TGFA: variants seen among roughly 807,000 people sequenced by gnomAD.
TGFA encodes the protein protransforming growth factor alpha.
Under a neutral mutation model 21.7 loss-of-function variants are expected in TGFA, and 12 were observed. The ratio of observed to expected loss-of-function variants is 0.55; its 90% CI spans 0.35 to 0.90. TGFA has a LOEUF of 0.90. TGFA is among the 40% of genes least tolerant of loss of function. The pLI is 0.01. For synonymous variants in TGFA, 79 were observed against 88.1 expected (o/e 0.90, Z 0.58); for missense variants, 178 against 210.8 (o/e 0.84, Z 0.96).
chr2:70,460,406 T>C (rs1349411730), intron 3 of TGFA, among the ~76,000 whole-genome samples: 1 of 152,048 alleles, frequency 6.6e-6, no homozygotes, highest in Non-Finnish European at 1.5e-5. Context: ...CCCAAGCTTC[T>C]ACTAATATTA....
rs199781024 is a variant in TGFA, at chr2:70,553,757, G to A, written c.11C>T (p.Ser4Leu). The change falls in exon 1 of 6, where the codon TCG becomes TTG. Residue 4 changes from serine (S) to leucine (L), a missense_variant. By Grantham distance (145) the Ser-to-Leu change is moderately radical. Transcript: ENST00000295400. ...AGCGAACAGGGCGAGCTGTCCAGCC[G>A]AGGGGACCATTTTACGGGCGGGCGG... is the stretch of plus-strand genomic sequence containing the variant. MVPSAGQLALFALG... is the reference protein window; with the variant it reads MVPLAGQLALFALG... The A allele has an allele frequency of 4.5e-5, 58 of 1,294,012 alleles. No homozygotes were observed. The African/African-American group carries it at 8.2e-4, about 18-fold the overall frequency. 80.2% of individuals were successfully genotyped at this position (1,294,012 alleles called of 1,614,324 possible).
chr2:70,518,964 G>T (rs1303398306), intron 1 of TGFA, among the ~76,000 whole-genome samples: 6 of 152,210 alleles, frequency 3.9e-5, no homozygotes, highest in Non-Finnish European at 5.9e-5. Context: ...CTGCATGAAG[G>T]GATGAAGGGT....
chr2:70,521,627 T>G (rs1270874534), intron 1 of TGFA, among the ~76,000 whole-genome samples: 6 of 135,562 alleles, frequency 4.4e-5, no homozygotes, highest in African/African-American at 1.7e-4. Context: ...GTTTTTTTTT[T>G]TTTTTTTTTT....
intron 2 of TGFA, among the ~76,000 whole-genome samples, chr2:70,473,536 T>A (rs1670821421): frequency 6.6e-6 from 1 of 151,770 alleles, no homozygotes; most frequent in South Asian, 2.1e-4. Flanking sequence ...TGGGGCTGTG[T>A]GTGCAGGCAG....
intron 2 of TGFA, among the ~76,000 whole-genome samples, chr2:70,496,766 T>C (rs560626699): frequency 6.6e-6 from 1 of 152,286 alleles, no homozygotes; most frequent in African/African-American, 2.4e-5. Flanking sequence ...CTTGTATGCG[T>C]CATGCACTGT....
chr2:70,553,334 C>T, intron 1 of TGFA: 1 of 1,496,084 alleles, frequency 6.7e-7, no homozygotes, highest in East Asian at 2.5e-5. Context: ...GCCCCCGTTC[C>T]GAGGCGGCCC....
intron 1 of TGFA, among the ~76,000 whole-genome samples, chr2:70,543,081 T>G (rs935362360): frequency 7.3e-5 from 11 of 151,286 alleles, no homozygotes; most frequent in African/African-American, 2.7e-4. Context: ...CCAGCCTGGG[T>G]AACAAGAGTG....
intron 2 of TGFA, among the ~76,000 whole-genome samples, chr2:70,466,763 T>C (rs114459318): frequency 6.6e-6 from 1 of 152,032 alleles, no homozygotes; most frequent in African/African-American, 2.4e-5. Flanking sequence ...TTCACAATGG[T>C]AAAGACATGG....
chr2:70,544,063 A>G (rs1268639833), intron 1 of TGFA, among the ~76,000 whole-genome samples: 2 of 152,170 alleles, frequency 1.3e-5, no homozygotes, highest in African/African-American at 2.4e-5. Flanking sequence ...TAAAAAACTA[A>G]CAAAACAAAA....
intron 1 of TGFA, among the ~76,000 whole-genome samples, chr2:70,524,295 G>T (rs1340527844): frequency 1.3e-5 from 2 of 152,256 alleles, no homozygotes; most frequent in Non-Finnish European, 1.5e-5. Context: ...CCCTGTGCTT[G>T]CTCTCACCTG....
chr2:70,494,923 G>T (rs3902191), intron 2 of TGFA, among the ~76,000 whole-genome samples: 28,527 of 152,052 alleles, frequency 0.19, 3,203 homozygotes, highest in Admixed American at 0.31. Flanking sequence ...TTTATTTATA[G>T]TGGTTTTCAG....
chr2:70,449,041 C>CTTAT lies in TGFA; in HGVS notation c.*1814_*1817dup, dbSNP rs1245830517. On this transcript the variant is annotated 3_prime_UTR_variant, in exon 6 of 6. Transcript: ENST00000295400. ...CTGGCCCAAGGGATGTAAACTTGAA[C>CTTAT]TTATTTTAGTAATTTAAAAACCTGG... The CTTAT allele has an allele frequency of 3.9e-5, 6 of 152,184 alleles. No homozygotes were observed. Among genetic ancestry groups the CTTAT allele is most frequent in the Non-Finnish European group, 7.3e-5 (5 of 68,042 alleles). The allele number at this position is 152,184 out of a possible 1,614,324, so 9.4% of individuals were successfully genotyped here.
At chr2:70,548,514 C>T (rs1673386611) in intron 1 of TGFA, among the ~76,000 whole-genome samples, 1 of 152,212 alleles carries the variant, frequency 6.6e-6, no homozygotes. Flanking sequence ...GCAGCAAATA[C>T]TTCAAGGGTA....
At chr2:70,532,637 C>T (rs979847454) in intron 1 of TGFA, among the ~76,000 whole-genome samples, 1 of 152,190 alleles carries the variant, frequency 6.6e-6, no homozygotes, top group African/African-American at 2.4e-5. Context: ...CACTAGGCTC[C>T]TACGCCTGTG....
Position 70,476,109 on chromosome 2 carries a change from T to TAAAAAA in TGFA, c.95-10374_95-10373insTTTTTT, listed in dbSNP as rs1670926055. 2.1e-3 allele frequency among the ~76,000 whole-genome samples: 167 copies of TAAAAAA among 78,430 alleles called. 10 individuals carry two copies. Among genetic ancestry groups the TAAAAAA allele is most frequent in the East Asian group, 0.019 (44 of 2,340 alleles). The allele number at this position is 78,430 out of a possible 152,430, so 51.5% of individuals were successfully genotyped here. On this transcript the variant is annotated intron_variant, in intron 2 of 5. Coordinates refer to ENST00000295400, the MANE Select transcript of TGFA (RefSeq NM_003236.4). The stretch of plus-strand genomic sequence containing the variant: ...AAAAAAAAAAAAAAAAAAAAAAAAT[T>TAAAAAA]AAGAAAATTACAGGTCACGATTTTG...
intron 1 of TGFA, among the ~76,000 whole-genome samples, chr2:70,518,556 G>A (rs370812990): frequency 2.0e-5 from 3 of 152,296 alleles, no homozygotes; most frequent in African/African-American, 7.2e-5. Flanking sequence ...GTGCTGATGT[G>A]TCAATGGGAA....
At chr2:70,550,106 C>G (rs1365854043) in intron 1 of TGFA, among the ~76,000 whole-genome samples, 1 of 152,236 alleles carries the variant, frequency 6.6e-6, no homozygotes, top group Non-Finnish European at 1.5e-5. Flanking sequence ...GGAAGGTGAT[C>G]TATTTCGCCT....
At chr2:70,463,992 G>A (rs978863924) in intron 3 of TGFA, among the ~76,000 whole-genome samples, 12 of 152,164 alleles carry the variant, frequency 7.9e-5, no homozygotes, top group African/African-American at 2.7e-4. Context: ...TTAGCCCTGC[G>A]GTGTTCCGAG....
intron 3 of TGFA, 124 bp from the exon 4 acceptor site, chr2:70,456,612 CT>C: frequency 2.4e-6 from 3 of 1,230,176 alleles, no homozygotes; most frequent in Non-Finnish European, 3.3e-6. Context: ...GCCCTGCCAG[CT>C]TTTGCAATTG....
Sources: allele counts gnomAD v4.1 joint callset (sites outside exome capture counted in the v4.1 genomes callset), GRCh38; gene constraint gnomAD v4.1.1; transcripts MANE v1.5; gene names NCBI Gene and HGNC (gene_info 2026-07-23, HGNC 2026-07-21).